The following STRN3 variants were observed in gnomAD, a reference collection of about 807,000 sequenced individuals.
STRN3 encodes striatin 3, also known as striatin-3.
Under a neutral mutation model 95.6 loss-of-function variants are expected in STRN3, and 29 were observed. That is an observed-to-expected ratio of 0.30 (90% CI 0.23 to 0.41). The LOEUF is 0.41. STRN3 is among the 10% of genes least tolerant of loss of function. The pLI is 1.00. For missense variants in STRN3, 890 were observed against 972.1 expected (o/e 0.92, Z 1.12); for synonymous variants, 331 against 357.6 (o/e 0.93, Z 0.84).
At chr14:30,957,279 C>T (rs1879961112) in intron 1 of STRN3, among the ~76,000 whole-genome samples, 2 of 152,016 alleles carry the variant, frequency 1.3e-5, no homozygotes, top group African/African-American at 4.8e-5. Context: ...ACGGTGAAAC[C>T]CGTCTCTACT....
At chr14:31,015,919 C>T (rs1566494740) in intron 1 of STRN3, among the ~76,000 whole-genome samples, 1 of 152,304 alleles carries the variant, frequency 6.6e-6, no homozygotes, top group South Asian at 2.1e-4. Context: ...CATCTCACTC[C>T]TCCACCAGGT....
At chr14:30,958,519 T>C (rs773162113) in intron 1 of STRN3, among the ~76,000 whole-genome samples, 3 of 152,242 alleles carry the variant, frequency 2.0e-5, no homozygotes, top group Non-Finnish European at 4.4e-5. Context: ...TTAAGTAAGA[T>C]TCTGACTAGT....
At position 30,929,259 on chromosome 14, in the gene STRN3, T is replaced by C. The variant is rs192590593; in HGVS notation, c.1041A>G (p.Leu347=). 1,161 of 1,613,698 alleles carry C rather than the reference T, an allele frequency of 7.2e-4. 2 individuals are homozygous for C. The highest frequency in any genetic ancestry group is 2.9e-3 in the South Asian group (262 of 91,042). Residue 347 remains leucine, a synonymous_variant, in exon 8 of 18, where the codon CTA becomes CTG. Coordinates refer to ENST00000357479, the MANE Select transcript of STRN3 (RefSeq NM_001083893.2). ...TGTACTGTTCCTTCAGTTTACTTATTAGTCCCTGGTCTACATCCCAAACCT... is the reference window on the plus strand; with the variant it reads ...TGTACTGTTCCTTCAGTTTACTTATCAGTCCCTGGTCTACATCCCAAACCT... ...TAEVWDVDQG[L]ISKLKEQYKK... is the part of the protein sequence containing the mutation.
At chr14:30,970,395 GC>G (rs1880766886) in intron 1 of STRN3, among the ~76,000 whole-genome samples, 1 of 152,168 alleles carries the variant, frequency 6.6e-6, no homozygotes, top group African/African-American at 2.4e-5. Context: ...AGGATAGACT[GC>G]CCCAAACAGT....
chr14:30,940,637 T>G (rs1007213512), intron 5 of STRN3, among the ~76,000 whole-genome samples: 2 of 152,210 alleles, frequency 1.3e-5, no homozygotes, highest in Non-Finnish European at 2.9e-5. Flanking sequence ...TGGATCTTTT[T>G]TCATTGATTT....
intron 10 of STRN3, 110 bp from the exon 11 acceptor site, chr14:30,912,292 G>A: frequency 2.0e-6 from 2 of 997,190 alleles, no homozygotes; most frequent in East Asian, 2.8e-5. Flanking sequence ...TAAAACTGTT[G>A]GCTAAAATGT....
intron 1 of STRN3, among the ~76,000 whole-genome samples, chr14:30,977,767 C>A (rs1463871590): frequency 2.1e-4 from 28 of 132,594 alleles, no homozygotes; most frequent in African/African-American, 7.3e-4. Context: ...GCTCTCCAGC[C>A]AGGCAAACAA....
At chr14:30,915,260 G>A (rs1896709103) in intron 9 of STRN3, among the ~76,000 whole-genome samples, 1 of 152,118 alleles carries the variant, frequency 6.6e-6, no homozygotes, top group Non-Finnish European at 1.5e-5. Context: ...ATAATTCTGA[G>A]AAGACACAAT....
At chr14:31,004,895 C>T (rs187178774) in intron 1 of STRN3, among the ~76,000 whole-genome samples, 9 of 152,110 alleles carry the variant, frequency 5.9e-5, no homozygotes, top group East Asian at 1.9e-4. Flanking sequence ...TAAGGACATG[C>T]CTGGAAGAAC....
intron 1 of STRN3, among the ~76,000 whole-genome samples, chr14:30,962,382 A>C (rs1385428146): frequency 6.6e-6 from 1 of 152,222 alleles, no homozygotes; most frequent in Non-Finnish European, 1.5e-5. Flanking sequence ...ACATAAATTT[A>C]GTAAAGTCTA....
chr14:30,940,210 T>C (rs1045961083), intron 5 of STRN3, among the ~76,000 whole-genome samples: 3 of 152,168 alleles, frequency 2.0e-5, no homozygotes, highest in Admixed American at 6.6e-5. Flanking sequence ...CTCTGGCTAA[T>C]GTCCAGGCCC....
chr14:31,009,856 T>C (rs1164579562), intron 1 of STRN3, among the ~76,000 whole-genome samples: 1 of 152,154 alleles, frequency 6.6e-6, no homozygotes, highest in Non-Finnish European at 1.5e-5. Context: ...TCCAGCATTC[T>C]GGGAGGCTGG....
At chr14:30,931,540 T>C (rs955055447) in intron 7 of STRN3, among the ~76,000 whole-genome samples, 1 of 152,216 alleles carries the variant, frequency 6.6e-6, no homozygotes, top group African/African-American at 2.4e-5. Flanking sequence ...ACTAACTTTA[T>C]GCAAATACTC....
chr14:30,951,991 G>T (rs9671318), intron 3 of STRN3, among the ~76,000 whole-genome samples: 23,423 of 152,082 alleles, frequency 0.15, 2,023 homozygotes, highest in South Asian at 0.33. Context: ...GGCGGCACAT[G>T]CCTGTAATCC....
chr14:30,942,759 A>G (rs2139097077), intron 5 of STRN3, among the ~76,000 whole-genome samples: 1 of 152,212 alleles, frequency 6.6e-6, no homozygotes, highest in East Asian at 1.9e-4. Flanking sequence ...CTCACTCGAT[A>G]GCATCTAATA....
intron 1 of STRN3, among the ~76,000 whole-genome samples, chr14:30,981,882 G>C (rs1334282229): frequency 1.3e-5 from 2 of 151,998 alleles, no homozygotes; most frequent in Non-Finnish European, 2.9e-5. Context: ...ATCACTTGCA[G>C]TCAGGAGTTC....
At chr14:30,947,024 A>T (rs892012500) in intron 5 of STRN3, 66 bp downstream of exon 5, 94 of 1,254,500 alleles carry the variant, frequency 7.5e-5, no homozygotes, top group Non-Finnish European at 9.4e-5. Flanking sequence ...ACAAGGAGCT[A>T]AAGAGATTAA....
intron 8 of STRN3, among the ~76,000 whole-genome samples, chr14:30,924,768 T>C (rs1478308478): frequency 6.6e-6 from 1 of 152,136 alleles, no homozygotes; most frequent in Non-Finnish European, 1.5e-5. Context: ...AAAGATTGCT[T>C]GAGCTCAGGA....
intron 4 of STRN3, among the ~76,000 whole-genome samples, chr14:30,949,998 A>C (rs1317707286): frequency 6.6e-6 from 1 of 152,156 alleles, no homozygotes; most frequent in Non-Finnish European, 1.5e-5. Context: ...TTTTTCAGGT[A>C]CATTTAGTAA....
Sources: allele counts gnomAD v4.1 joint callset (sites outside exome capture counted in the v4.1 genomes callset), GRCh38; gene constraint gnomAD v4.1.1; transcripts MANE v1.5; gene names NCBI Gene and HGNC (gene_info 2026-07-23, HGNC 2026-07-21).